Variants in SMARCC1 observed in about 807,000 individuals in gnomAD.
SMARCC1 encodes the protein SWI/SNF related BAF chromatin remodeling complex subunit C1.
A neutral mutation model predicts 147.4 loss-of-function variants in SMARCC1; 43 were observed. The ratio of observed to expected loss-of-function variants is 0.29; its 90% CI spans 0.23 to 0.38. The LOEUF (loss-of-function observed/expected upper bound fraction) is 0.38, where lower values mean the gene tolerates loss of function less well. Ranked by LOEUF, SMARCC1 falls within the 10% of genes least tolerant of loss-of-function variation. SMARCC1 has a pLI of 1.00. For missense variants in SMARCC1, 1,119 were observed against 1,381.1 expected, an observed-to-expected ratio of 0.81 and a Z score of 3.01; for synonymous variants, 495 against 484.4, an observed-to-expected ratio of 1.02 and a Z score of -0.29.
intron 6 of SMARCC1, among the ~76,000 whole-genome samples, chr3:47,723,977 TG>T (rs1414234970): frequency 6.6e-6 from 1 of 152,216 alleles, no homozygotes; most frequent in Admixed American, 6.5e-5. Flanking sequence ...GCTTTTTATC[TG>T]TTAGGATGAC....
intron 5 of SMARCC1, among the ~76,000 whole-genome samples, chr3:47,731,295 G>A (rs751487970): frequency 9.2e-5 from 14 of 152,186 alleles, no homozygotes; most frequent in Non-Finnish European, 1.9e-4. Context: ...CGGCAATTCA[G>A]TCACATGTTC....
intron 21 of SMARCC1, among the ~76,000 whole-genome samples, chr3:47,652,491 T>C (rs759795870): frequency 3.3e-5 from 5 of 152,154 alleles, no homozygotes; most frequent in Non-Finnish European, 5.9e-5. Context: ...CAGACACATC[T>C]ACAAATTTTA....
chr3:47,626,595 A>G (rs2032814411), intron 24 of SMARCC1, among the ~76,000 whole-genome samples: 1 of 152,210 alleles, frequency 6.6e-6, no homozygotes, highest in Admixed American at 6.5e-5. Context: ...GCATCTTTGG[A>G]ATAATTGATA....
intron 22 of SMARCC1, among the ~76,000 whole-genome samples, chr3:47,636,640 G>A (rs554774944): frequency 3.8e-4 from 58 of 152,040 alleles, no homozygotes; most frequent in African/African-American, 1.3e-3. Flanking sequence ...ATAATCCCAG[G>A]TACTCAGGAG....
intron 9 of SMARCC1, among the ~76,000 whole-genome samples, chr3:47,708,714 TC>T (rs2034047708): frequency 6.6e-6 from 1 of 152,040 alleles, no homozygotes; most frequent in South Asian, 2.1e-4. Context: ...TTTTGAATAG[TC>T]CAATTCCAAA....
intron 11 of SMARCC1, among the ~76,000 whole-genome samples, chr3:47,696,259 A>T (rs896918086): frequency 6.6e-6 from 1 of 151,894 alleles, no homozygotes; most frequent in Non-Finnish European, 1.5e-5. Flanking sequence ...CTATAATCTC[A>T]GCTACTCAGG....
chr3:47,759,879 G>A (rs1306127152), intron 2 of SMARCC1, among the ~76,000 whole-genome samples: 6 of 152,096 alleles, frequency 3.9e-5, no homozygotes, highest in African/African-American at 1.4e-4. Context: ...TGAGGTTGCA[G>A]TGAGCTGAGA....
chr3:47,757,798 A>T (rs1006637069), intron 2 of SMARCC1, among the ~76,000 whole-genome samples: 1 of 150,486 alleles, frequency 6.6e-6, no homozygotes, highest in South Asian at 2.1e-4. Context: ...AAAAAAAAAA[A>T]AGAAAGAAAG....
intron 11 of SMARCC1, among the ~76,000 whole-genome samples, chr3:47,693,955 G>A (rs112467348): frequency 2.7e-4 from 41 of 152,146 alleles, no homozygotes; most frequent in Admixed American, 2.7e-3. Flanking sequence ...GAGCCACTGC[G>A]TCCGGCCAAA....
In SMARCC1 at chr3:47,736,552, T is replaced by C. The variant is rs1452315194; in HGVS notation, c.484-426A>G. ...TTAGCCAGGCGTGGTGGTGGGCGCC[T>C]GTAGTCCCAGCTACTCGGGAGGCTG... is the stretch of plus-strand genomic sequence containing the variant. On this transcript the variant is annotated intron_variant, in intron 4 of 27. Transcript: ENST00000254480. 3.3e-5 allele frequency among the ~76,000 whole-genome samples: 5 copies of C among 151,862 alleles called. No individual in the cohort carries two copies. The East Asian group carries it at 9.7e-4, about 29-fold the overall frequency.
chr3:47,640,392 G>A (rs1296983173), intron 21 of SMARCC1, among the ~76,000 whole-genome samples: 2 of 152,036 alleles, frequency 1.3e-5, no homozygotes, highest in Non-Finnish European at 2.9e-5. Flanking sequence ...CAAACTATAT[G>A]AGGAATGGAT....
chr3:47,757,251 A>G lies in SMARCC1; in HGVS notation c.316-11258T>C, dbSNP rs190758800. Among the ~76,000 whole-genome samples, 266 of 152,248 alleles carry G rather than the reference A, an allele frequency of 1.7e-3. No homozygotes were observed. The Middle Eastern group carries it at 0.034, about 19-fold the overall frequency. On this transcript the variant is annotated intron_variant, in intron 2 of 27. Transcript: ENST00000254480. The stretch of plus-strand genomic sequence containing the variant: ...GGGTGATTAGGCCAGACCCCGTTTC[A>G]AAAAAGAAAAGAAAAAAAGAGAGAG...
At chr3:47,620,477 A>AC (rs2032713616) in intron 25 of SMARCC1, among the ~76,000 whole-genome samples, 1 of 152,108 alleles carries the variant, frequency 6.6e-6, no homozygotes, top group Non-Finnish European at 1.5e-5. Flanking sequence ...AAAAAAAAAA[A>AC]AAAATTTGTT....
At chr3:47,613,575 G>T (rs1384390545) in intron 25 of SMARCC1, among the ~76,000 whole-genome samples, 1 of 151,988 alleles carries the variant, frequency 6.6e-6, no homozygotes, top group Non-Finnish European at 1.5e-5. Context: ...GGCCAGACTG[G>T]TCTTGAACTC....
chr3:47,627,655 A>G (rs1048750344), intron 24 of SMARCC1, among the ~76,000 whole-genome samples: 1 of 152,158 alleles, frequency 6.6e-6, no homozygotes, highest in Non-Finnish European at 1.5e-5. Flanking sequence ...TGGTATTTAT[A>G]GTAGGACTTC....
chr3:47,633,775 T>TAC (rs778383062), intron 24 of SMARCC1, among the ~76,000 whole-genome samples: 5 of 18,616 alleles, frequency 2.7e-4, no homozygotes, highest in African/African-American at 4.7e-4. Flanking sequence ...TATATATATA[T>TAC]ATATACACAC....
chr3:47,663,738 A>G (rs1270617938), intron 19 of SMARCC1: 26 of 1,509,416 alleles, frequency 1.7e-5, no homozygotes, highest in Non-Finnish European at 2.3e-5. Context: ...TTCCTTCACA[A>G]GACCCACGAG....
At chr3:47,779,362 C>A (rs573372332) in intron 1 of SMARCC1, among the ~76,000 whole-genome samples, 41 of 152,280 alleles carry the variant, frequency 2.7e-4, no homozygotes, top group Middle Eastern at 3.4e-3. Context: ...AAAACCAATG[C>A]GTACACCAAA....
chr3:47,735,204 G>A (rs1421127423), intron 5 of SMARCC1, among the ~76,000 whole-genome samples: 3 of 151,906 alleles, frequency 2.0e-5, no homozygotes, highest in African/African-American at 7.3e-5. Context: ...TGTGATATAG[G>A]GTTCTGTGAT....
Sources: allele counts gnomAD v4.1 joint callset (sites outside exome capture counted in the v4.1 genomes callset), GRCh38; gene constraint gnomAD v4.1.1; transcripts MANE v1.5; gene names NCBI Gene and HGNC (gene_info 2026-07-23, HGNC 2026-07-21).